Variants in BCAS3 observed in about 807,000 individuals in gnomAD.
BCAS3 encodes BCAS4/BCAS3 fusion.
In BCAS3, 53 loss-of-function variants were observed where a neutral mutation model predicts 116.1. That is an observed-to-expected ratio of 0.46 (90% CI 0.37 to 0.57). The LOEUF (loss-of-function observed/expected upper bound fraction) is 0.57, where lower values mean the gene tolerates loss of function less well. Ranked by LOEUF, BCAS3 falls within the 20% of genes least tolerant of loss-of-function variation. The pLI, the probability that BCAS3 is intolerant of heterozygous loss-of-function variation, is 0.00. For synonymous variants in BCAS3, 391 were observed against 408.2 expected, an observed-to-expected ratio of 0.96 and a Z score of 0.51; for missense variants, 917 against 1,165.4, an observed-to-expected ratio of 0.79 and a Z score of 3.10.
intron 5 of BCAS3, among the ~76,000 whole-genome samples, chr17:60,724,786 TAA>T (rs550598581): frequency 4.9e-5 from 7 of 143,494 alleles, no homozygotes; most frequent in African/African-American, 1.5e-4. Context: ...TAAGATTCAT[TAA>T]AAAAAAAAAA....
In BCAS3 at chr17:61,156,320, G is replaced by A. The variant is rs2077836136; in HGVS notation, c.2425+71756G>A. On this transcript the variant is annotated intron_variant, in intron 22 of 23. Transcript: ENST00000407086. This position sits in a 1 kb window ranked among gnomAD's most constrained non-coding sequence, Gnocchi z 4.7. ...CCTTAGGTCTAAAACTGGAATCTCA[G>A]GCACCTTCTCTTTCCCTCTTCATTT... Among the ~76,000 whole-genome samples the A allele has an allele frequency of 6.6e-6, 1 of 152,132 alleles. No individual in the cohort carries two copies. Among genetic ancestry groups the A allele is most frequent in the Non-Finnish European group, 1.5e-5 (1 of 68,030 alleles).
chr17:60,933,278 A>G (rs1203532473), intron 13 of BCAS3, among the ~76,000 whole-genome samples: 7 of 152,244 alleles, frequency 4.6e-5, no homozygotes, highest in African/African-American at 7.2e-5. Flanking sequence ...TTATCAAACT[A>G]TCGTTAGAAA....
At chr17:61,053,364 C>T (rs940998439) in intron 19 of BCAS3, among the ~76,000 whole-genome samples, 1 of 152,074 alleles carries the variant, frequency 6.6e-6, no homozygotes, top group Admixed American at 6.6e-5. Context: ...ATTTTACTAT[C>T]CTGTTGTTTC....
At chr17:61,086,751 A>T in intron 22 of BCAS3, 1 of 985,446 alleles carries the variant, frequency 1.0e-6, no homozygotes, top group Non-Finnish European at 1.2e-6. Context: ...CAACCAAAAC[A>T]GTGAAACATG....
chr17:60,705,265 T>A (rs1301451407), intron 4 of BCAS3, among the ~76,000 whole-genome samples: 1 of 152,258 alleles, frequency 6.6e-6, no homozygotes, highest in Non-Finnish European at 1.5e-5. Flanking sequence ...ATCCCTGTAA[T>A]CCCAGCACTT....
intron 22 of BCAS3, among the ~76,000 whole-genome samples, chr17:61,142,121 T>C (rs1370711674): frequency 6.6e-6 from 1 of 152,186 alleles, no homozygotes; most frequent in African/African-American, 2.4e-5. Context: ...AGTTTATTAT[T>C]AAGGTACTTG....
chr17:61,268,264 TA>T (rs2144616479), intron 22 of BCAS3, among the ~76,000 whole-genome samples: 1 of 152,336 alleles, frequency 6.6e-6, no homozygotes, highest in South Asian at 2.1e-4. Flanking sequence ...TTCCTCAATC[TA>T]GTTGGGAAAG....
chr17:60,806,639 A>G (rs894028769), intron 6 of BCAS3, among the ~76,000 whole-genome samples: 2 of 151,454 alleles, frequency 1.3e-5, no homozygotes, highest in Non-Finnish European at 2.9e-5. Flanking sequence ...GCAGCCCCCA[A>G]CTCTGGGGGC....
intron 5 of BCAS3, among the ~76,000 whole-genome samples, chr17:60,742,957 C>CA (rs1416559220): frequency 2.7e-4 from 41 of 150,916 alleles, no homozygotes; most frequent in Non-Finnish European, 1.2e-4. Flanking sequence ...ACTAAAAATA[C>CA]AAAAAATTAG....
intron 19 of BCAS3, among the ~76,000 whole-genome samples, chr17:61,069,064 G>A (rs754060514): frequency 2.0e-4 from 30 of 152,056 alleles, no homozygotes; most frequent in Non-Finnish European, 2.1e-4. Context: ...ATTAGGTAAA[G>A]CCAAAGACAC....
At chr17:61,107,784 A>G (rs575961871) in intron 22 of BCAS3, among the ~76,000 whole-genome samples, 2 of 152,262 alleles carry the variant, frequency 1.3e-5, no homozygotes, top group African/African-American at 4.8e-5. Flanking sequence ...GGCTGTTTCC[A>G]GGTTATGGCT....
At chr17:60,863,266 T>C (rs1484279736) in intron 7 of BCAS3, among the ~76,000 whole-genome samples, 1 of 152,204 alleles carries the variant, frequency 6.6e-6, no homozygotes, top group Non-Finnish European at 1.5e-5. Flanking sequence ...AATATTTGTG[T>C]ATGCCTATAC....
intron 5 of BCAS3, among the ~76,000 whole-genome samples, chr17:60,731,963 TG>T (rs1392659913): frequency 6.6e-6 from 1 of 151,898 alleles, no homozygotes; most frequent in East Asian, 1.9e-4. Context: ...TTAGTAGAGA[TG>T]GGGTTTCGCG....
At chr17:60,946,325 A>G (rs1317738026) in intron 13 of BCAS3, among the ~76,000 whole-genome samples, 1 of 152,188 alleles carries the variant, frequency 6.6e-6, no homozygotes, top group African/African-American at 2.4e-5. Flanking sequence ...AAATATTAAA[A>G]TGATGATAGG....
intron 22 of BCAS3, among the ~76,000 whole-genome samples, chr17:61,172,728 T>G (rs868221715): frequency 1.7e-4 from 23 of 133,866 alleles, no homozygotes; most frequent in East Asian, 2.4e-4. Context: ...GCTCATGCCT[T>G]TAATCCCAGC....
intron 6 of BCAS3, among the ~76,000 whole-genome samples, chr17:60,800,237 A>G (rs2047651974): frequency 6.6e-6 from 1 of 152,174 alleles, no homozygotes. Flanking sequence ...CTAGCAATGT[A>G]TGAGACATCT....
rs2065242564 is a variant in BCAS3, at chr17:61,013,522, A to G, written c.1487-2229A>G. On this transcript the variant is annotated intron_variant, in intron 15 of 23. Coordinates refer to ENST00000407086, the MANE Select transcript of BCAS3 (RefSeq NM_017679.5). This position sits in a 1 kb window ranked among gnomAD's most constrained non-coding sequence, Gnocchi z 4.4. ...AGTTTTTCTCATTTCTTCCACAAAT[A>G]TAATATTTTAATGTGATTTCCCTCT... 6.6e-6 allele frequency among the ~76,000 whole-genome samples: 1 copy of G among 152,146 alleles called. No homozygotes were observed. The highest frequency in any genetic ancestry group is 1.5e-5 in the Non-Finnish European group (1 of 67,978).
intron 19 of BCAS3, among the ~76,000 whole-genome samples, chr17:61,049,730 C>CTTTTTTTTTTTTTTTTTTTTT (rs1027378849): frequency 9.9e-5 from 12 of 120,826 alleles, no homozygotes; most frequent in Non-Finnish European, 1.5e-4. Context: ...CTTTTCTTTT[C>CTTTTTTTTTTTTTTTTTTTTT]TTTTTTTTTT....
Position 61,067,279 on chromosome 17 carries a change from A to G in BCAS3, c.2030-7641A>G, listed in dbSNP as rs1438830735. Among the ~76,000 whole-genome samples the G allele has an allele frequency of 2.0e-3, 209 of 102,380 alleles. 2 individuals carry two copies. Among genetic ancestry groups the G allele is most frequent in the African/African-American group, 6.9e-3 (137 of 19,762 alleles). The allele number at this position is 102,380 out of a possible 152,430, so 67.2% of individuals were successfully genotyped here. ...TTTATTTATGTGTGTATGTGTATATATATATATATATATATATATATATAT... is the reference window on the plus strand; with the variant it reads ...TTTATTTATGTGTGTATGTGTATATGTATATATATATATATATATATATAT... On this transcript the variant is annotated intron_variant, in intron 19 of 23. Coordinates refer to ENST00000407086, the MANE Select transcript of BCAS3 (RefSeq NM_017679.5).
Sources: allele counts gnomAD v4.1 joint callset (sites outside exome capture counted in the v4.1 genomes callset), GRCh38; gene constraint gnomAD v4.1.1; non-coding constraint Gnocchi (gnomAD v3.1); transcripts MANE v1.5; gene names NCBI Gene and HGNC (gene_info 2026-07-23, HGNC 2026-07-21).